Variants in TRMT2B observed in about 807,000 individuals in gnomAD.
TRMT2B encodes the protein tRNA methyltransferase 2B.
Under a neutral mutation model 39.7 loss-of-function variants are expected in TRMT2B, and 34 were observed. The ratio of observed to expected loss-of-function variants is 0.86; its 90% CI spans 0.65 to 1.14. The LOEUF is 1.14. TRMT2B is among the 50% of genes most tolerant of loss of function. TRMT2B has a pLI of 0.00. For synonymous variants in TRMT2B, 132 were observed against 137.3 expected, an observed-to-expected ratio of 0.96 and a Z score of 0.27; for missense variants, 318 against 377.2, an observed-to-expected ratio of 0.84 and a Z score of 1.30.
intron 7 of TRMT2B, among the ~76,000 whole-genome samples, chrX:101,026,920 T>C (rs1258503994): frequency 9.0e-6 from 1 of 111,621 alleles, no homozygotes; most frequent in African/African-American, 3.2e-5. Flanking sequence ...TTAAGCAGAA[T>C]AAAAAAGGAA....
Sources: gnomAD v4.1 joint callset for allele counts (sites outside exome capture counted in the v4.1 genomes callset) on GRCh38, gnomAD v4.1.1 for gene constraint, MANE v1.5 for transcripts, NCBI Gene and HGNC (gene_info 2026-07-23, HGNC 2026-07-21) for gene names.